The following ICA1 variants were observed in gnomAD, a reference collection of about 807,000 sequenced individuals.
ICA1 encodes the protein 69 kDa islet cell autoantigen.
A neutral mutation model predicts 71.0 loss-of-function variants in ICA1; 40 were observed. The ratio of observed to expected loss-of-function variants is 0.56; its 90% CI spans 0.44 to 0.73. The LOEUF is 0.73. Among genes scored for constraint, ICA1 ranks in the 30% least tolerant of loss-of-function variants. The pLI is 0.00. For synonymous variants in ICA1, 207 were observed against 209.5 expected (o/e 0.99, Z 0.10); for missense variants, 578 against 576.5 (o/e 1.00, Z -0.03).
In ICA1 at chr7:8,232,299, C is replaced by A. The variant is rs149581601; in HGVS notation, c.183+291G>T. On this transcript the variant is annotated intron_variant, in intron 3 of 13. Coordinates refer to ENST00000402384, the MANE Select transcript of ICA1 (RefSeq NM_001136020.3). ...CTAAATCTGACTCCTCAGCTCTGACCAGCAAGCAGCAGCTCTTTGACTGCA... is the reference window on the plus strand; with the variant it reads ...CTAAATCTGACTCCTCAGCTCTGACAAGCAAGCAGCAGCTCTTTGACTGCA... Among the ~76,000 whole-genome samples, 418 of 152,266 alleles carry A rather than the reference C, an allele frequency of 2.7e-3. 2 individuals are homozygous for A. The highest frequency in any genetic ancestry group is 9.8e-3 in the African/African-American group (406 of 41,542).
chr7:8,245,222 A>C (rs547349293), intron 1 of ICA1, among the ~76,000 whole-genome samples: 36 of 152,214 alleles, frequency 2.4e-4, no homozygotes, highest in Non-Finnish European at 4.6e-4. Flanking sequence ...ATGGAATACT[A>C]TGCAGCCATA....
chr7:8,184,969 G>A (rs1783433761), intron 6 of ICA1, among the ~76,000 whole-genome samples: 1 of 152,056 alleles, frequency 6.6e-6, no homozygotes, highest in East Asian at 1.9e-4. Flanking sequence ...AGCTACTTGG[G>A]AGGCTGAGGT....
rs1327214944 is a variant in ICA1 at position 8,113,421 on chromosome 7, G to C, written c.*502C>G. 6.5e-6 allele frequency: 1 copy of C among 154,660 alleles called. No homozygotes were observed. The highest frequency in any genetic ancestry group is 1.9e-4 in the East Asian group (1 of 5,312). 9.6% of individuals were successfully genotyped at this position (154,660 alleles called of 1,614,324 possible). A position where few individuals can be genotyped will look rare whatever the true frequency, so the allele number is the denominator to read the frequency against. ...CACCTGCTGTGGGGACAGTGTCTTT[G>C]GTTGGCCAGAGCTTCATCCAGAGCT... is the stretch of plus-strand genomic sequence containing the variant. On this transcript the variant is annotated 3_prime_UTR_variant, in exon 14 of 14. Coordinates refer to ENST00000402384, the MANE Select transcript of ICA1 (RefSeq NM_001136020.3). This position sits in a 1 kb window ranked among gnomAD's most constrained non-coding sequence, Gnocchi z 4.2.
chr7:8,226,896 T>C lies in ICA1; in HGVS notation c.256+1705A>G, dbSNP rs2128444327. 6.6e-6 allele frequency among the ~76,000 whole-genome samples: 1 copy of C among 152,336 alleles called. No homozygotes were observed. Among genetic ancestry groups the C allele is most frequent in the African/African-American group, 2.4e-5 (1 of 41,572 alleles). Reference sequence around the variant, plus strand: ...GTGGTTTAGGGGGAAGTTTTTCCTCTATATTCTTTTAGAAACACTAATATA... The same window carrying C: ...GTGGTTTAGGGGGAAGTTTTTCCTCCATATTCTTTTAGAAACACTAATATA... On this transcript the variant is annotated intron_variant, in intron 4 of 13. Coordinates refer to ENST00000402384, the MANE Select transcript of ICA1 (RefSeq NM_001136020.3). This position sits in a 1 kb window ranked among gnomAD's most constrained non-coding sequence, Gnocchi z 4.4.
At position 8,113,829 on chromosome 7, in the gene ICA1, T is replaced by C; in HGVS notation, c.*94A>G. The C allele has an allele frequency of 7.5e-7, 1 of 1,339,552 alleles. No homozygotes were observed. The allele number at this position is 1,339,552 out of a possible 1,614,324, so 83.0% of individuals were successfully genotyped here. A position where few individuals can be genotyped will look rare whatever the true frequency, so the allele number is the denominator to read the frequency against. Reference sequence around the variant, plus strand: ...TCATTTTATTAAAATGGCACATAATTATTAAAACAGCATACTGATCACTTT... The same window carrying C: ...TCATTTTATTAAAATGGCACATAATCATTAAAACAGCATACTGATCACTTT... On this transcript the variant is annotated 3_prime_UTR_variant, in exon 14 of 14. Coordinates refer to ENST00000402384, the MANE Select transcript of ICA1 (RefSeq NM_001136020.3). The surrounding 1 kb of genome is among the most constrained non-coding windows in gnomAD (Gnocchi z 4.2).
At chr7:8,150,348 T>C (rs1798392102) in intron 8 of ICA1, among the ~76,000 whole-genome samples, 1 of 152,214 alleles carries the variant, frequency 6.6e-6, no homozygotes, top group Non-Finnish European at 1.5e-5. Flanking sequence ...CTTGCTTTCT[T>C]ATCAATGACT....
intron 6 of ICA1, among the ~76,000 whole-genome samples, chr7:8,163,059 T>C (rs1056186133): frequency 2.6e-5 from 4 of 152,140 alleles, no homozygotes; most frequent in African/African-American, 9.6e-5. Flanking sequence ...CCACTGCGCC[T>C]AGTCTAATGG....
chr7:8,192,893 G>A (rs1463166276), intron 6 of ICA1, among the ~76,000 whole-genome samples: 4 of 152,210 alleles, frequency 2.6e-5, no homozygotes, highest in East Asian at 3.8e-4. Flanking sequence ...TGGCTCCAGC[G>A]TCATTTTGAC....
intron 6 of ICA1, among the ~76,000 whole-genome samples, chr7:8,204,430 C>T (rs1790806500): frequency 6.6e-6 from 1 of 152,178 alleles, no homozygotes; most frequent in African/African-American, 2.4e-5. Context: ...AACTCTTGTG[C>T]AGTTTTAACG....
Position 8,144,074 on chromosome 7 carries a change from A to T in ICA1, c.805-102T>A. On this transcript the variant is annotated intron_variant, in intron 8 of 13. Transcript: ENST00000402384. This position sits in a 1 kb window ranked among gnomAD's most constrained non-coding sequence, Gnocchi z 4.5. ...TTATCAATTAAAAAATTCAACTGCC[A>T]TTTGTCCCAGCAACCAAACTTTGAA... is the stretch of plus-strand genomic sequence containing the variant. 2 of 690,460 alleles carry T rather than the reference A, an allele frequency of 2.9e-6. No homozygotes were observed. The highest frequency in any genetic ancestry group is 4.9e-6 in the Non-Finnish European group (2 of 412,198). 42.8% of individuals were successfully genotyped at this position (690,460 alleles called of 1,614,324 possible).
chr7:8,186,753 A>T (rs1784032919), intron 6 of ICA1, among the ~76,000 whole-genome samples: 1 of 152,184 alleles, frequency 6.6e-6, no homozygotes, highest in Admixed American at 6.5e-5. Flanking sequence ...TGCATAATGT[A>T]CTCAATTTGA....
At chr7:8,156,260 T>C (rs1057391979) in intron 8 of ICA1, among the ~76,000 whole-genome samples, 2 of 152,230 alleles carry the variant, frequency 1.3e-5, no homozygotes, top group Non-Finnish European at 2.9e-5. Flanking sequence ...AAGAAATGCA[T>C]TTGAATGTTT....
At chr7:8,119,719 A>G (rs1022900285) in intron 13 of ICA1, among the ~76,000 whole-genome samples, 16 of 152,070 alleles carry the variant, frequency 1.1e-4, no homozygotes, top group African/African-American at 3.9e-4. Context: ...GGTGGCGGGC[A>G]CCTGTAATCC....
At chr7:8,126,046 T>C (rs1350079951) in intron 13 of ICA1, among the ~76,000 whole-genome samples, 1 of 152,250 alleles carries the variant, frequency 6.6e-6, no homozygotes, top group African/African-American at 2.4e-5. Context: ...TCTCTCACTT[T>C]GCCTGCTCAG....
At chr7:8,256,427 G>A (rs570670876) in intron 1 of ICA1, among the ~76,000 whole-genome samples, 14 of 151,974 alleles carry the variant, frequency 9.2e-5, no homozygotes, top group African/African-American at 2.4e-4. Flanking sequence ...ATGTCAGAAC[G>A]CTTGAGCTTC....
At chr7:8,240,177 C>A (rs1279289202) in intron 1 of ICA1, among the ~76,000 whole-genome samples, 1 of 151,996 alleles carries the variant, frequency 6.6e-6, no homozygotes, top group Non-Finnish European at 1.5e-5. Context: ...GGGTGCCCCT[C>A]TGGGACGAAG....
At chr7:8,260,184 T>C (rs897192185) in intron 1 of ICA1, among the ~76,000 whole-genome samples, 5 of 152,174 alleles carry the variant, frequency 3.3e-5, no homozygotes, top group Non-Finnish European at 7.4e-5. Flanking sequence ...CGTTATGGCA[T>C]AACTACCAGA....
At chr7:8,208,409 TAAAATA>T (rs71014774) in intron 6 of ICA1, among the ~76,000 whole-genome samples, 116,208 of 151,594 alleles carry the variant, frequency 0.77, 47,216 homozygotes, top group Non-Finnish European at 0.9. Flanking sequence ...CACCATATTT[TAAAATA>T]AAAATAAAAA....
At chr7:8,153,096 G>A (rs1197810473) in intron 8 of ICA1, among the ~76,000 whole-genome samples, 4 of 152,050 alleles carry the variant, frequency 2.6e-5, no homozygotes, top group Non-Finnish European at 4.4e-5. Context: ...AACCACTCAC[G>A]CCTCTCTCAC....
Sources: allele counts gnomAD v4.1 joint callset (sites outside exome capture counted in the v4.1 genomes callset), GRCh38; gene constraint gnomAD v4.1.1; non-coding constraint Gnocchi (gnomAD v3.1); transcripts MANE v1.5; gene names NCBI Gene and HGNC (gene_info 2026-07-23, HGNC 2026-07-21).